The following DSE variants were observed in gnomAD, a reference collection of about 807,000 sequenced individuals.
The protein encoded by DSE is dermatan-sulfate epimerase.
DSE carries 36 observed loss-of-function variants against 84.4 expected under a neutral mutation model. The observed-to-expected ratio is 0.43, with a 90% CI of 0.33 to 0.56. The LOEUF (loss-of-function observed/expected upper bound fraction) is 0.56. DSE is among the 20% of genes least tolerant of loss of function. The probability of loss-of-function intolerance (pLI) is 0.06; values close to 1 mark genes in which losing one functional copy is unlikely to be tolerated. For synonymous variants in DSE, 410 were observed against 430.1 expected (o/e 0.95, Z 0.58); for missense variants, 862 against 1,169.6 (o/e 0.74, Z 3.84).
chr6:116,383,348 A>G (rs745454442), intron 1 of DSE, among the ~76,000 whole-genome samples: 2 of 152,148 alleles, frequency 1.3e-5, no homozygotes, highest in Non-Finnish European at 1.5e-5. Flanking sequence ...GTGAATAGAC[A>G]TGGGGTAAAA....
At chr6:116,286,889 T>G (rs1294782882) in intron 2 of DSE, among the ~76,000 whole-genome samples, 1 of 152,146 alleles carries the variant, frequency 6.6e-6, no homozygotes, top group Non-Finnish European at 1.5e-5. Flanking sequence ...TTTCTTCCAT[T>G]ATAGGAAATA....
chr6:116,286,002 G>A lies in DSE; in HGVS notation c.-54+27035G>A, dbSNP rs531435759. Among the ~76,000 whole-genome samples the A allele has an allele frequency of 2.3e-3, 343 of 152,174 alleles. 4 individuals are homozygous for A. The South Asian group carries it at 0.03, about 13-fold the overall frequency. On this transcript the variant is annotated intron_variant, in intron 2 of 3. Coordinates refer to the DSE transcript ENST00000430252. Reference sequence around the variant, plus strand: ...TTGCTTAGGATTGTCTTGGCAATGCGGGCTCTTTTTTGGTTCCATATGAAC... The same window carrying A: ...TTGCTTAGGATTGTCTTGGCAATGCAGGCTCTTTTTTGGTTCCATATGAAC...
At chr6:116,329,722 A>ATT (rs1311336724) in intron 2 of DSE, among the ~76,000 whole-genome samples, 2 of 152,264 alleles carry the variant, frequency 1.3e-5, no homozygotes, top group Non-Finnish European at 1.5e-5. Flanking sequence ...ATAAAGATTA[A>ATT]TTTGACAAAG....
Position 116,436,780 on chromosome 6 carries a change from G to C in DSE, c.2312G>C (p.Arg771Thr), listed in dbSNP as rs980130642. 3.7e-6 allele frequency: 6 copies of C among 1,614,036 alleles called. No homozygotes were observed. The highest frequency in any genetic ancestry group is 5.1e-6 in the Non-Finnish European group (6 of 1,180,026). The stretch of plus-strand genomic sequence containing the variant: ...CGAGTCCGGAACACAGCTAGCTTTA[G>C]GAAGACTGCTGAACGCCTGCTGAGA... Reference protein sequence around the residue: ...LSRVRNTASFRKTAERLLRFS... With the variant: ...LSRVRNTASFTKTAERLLRFS... Residue 771 changes from arginine (R) to threonine (T), a missense_variant, in exon 6 of 6, where the codon AGG (arginine) becomes ACG (threonine). Transcript: ENST00000644252.
chr6:116,279,156 C>T (rs1011238863), intron 2 of DSE: 5 of 1,613,744 alleles, frequency 3.1e-6, no homozygotes, highest in Middle Eastern at 1.6e-4. Context: ...TGCGGAGAGC[C>T]TCATGCAAAG....
chr6:116,434,850 C>A (rs944583090), intron 5 of DSE, among the ~76,000 whole-genome samples: 1 of 152,088 alleles, frequency 6.6e-6, no homozygotes, highest in African/African-American at 2.4e-5. Context: ...GGGAAAAGTA[C>A]ATAGTGCTAA....
At chr6:116,266,503 C>T (rs1179329236) in intron 2 of DSE, among the ~76,000 whole-genome samples, 1 of 152,058 alleles carries the variant, frequency 6.6e-6, no homozygotes. Context: ...GATATGTTGT[C>T]ATCATCAAAA....
chr6:116,373,524 G>A (rs1217660412), intron 1 of DSE, among the ~76,000 whole-genome samples: 1 of 152,208 alleles, frequency 6.6e-6, no homozygotes, highest in African/African-American at 2.4e-5. Flanking sequence ...GGTTTGCTAT[G>A]TGAGATCAGG....
upstream of DSE, chr6:116,370,361 C>A: frequency 1.5e-6 from 1 of 665,212 alleles, no homozygotes; most frequent in Non-Finnish European, 1.9e-6. Flanking sequence ...AAGAGAACTG[C>A]TTCTCTATAG....
chr6:116,428,876 C>T (rs968191471), intron 3 of DSE, among the ~76,000 whole-genome samples: 3 of 152,002 alleles, frequency 2.0e-5, no homozygotes, highest in African/African-American at 4.8e-5. Context: ...GCAAGGTATT[C>T]GGGTGGCAGA....
At chr6:116,388,539 G>C (rs942274831) in intron 1 of DSE, among the ~76,000 whole-genome samples, 6 of 152,110 alleles carry the variant, frequency 3.9e-5, no homozygotes, top group Non-Finnish European at 2.9e-5. Context: ...GGGGAGAATT[G>C]GTGATACAGA....
intron 2 of DSE, among the ~76,000 whole-genome samples, chr6:116,290,965 C>G (rs1774242876): frequency 6.6e-6 from 1 of 152,176 alleles, no homozygotes; most frequent in Non-Finnish European, 1.5e-5. Context: ...CCACTGTGCT[C>G]TGCAATGTCA....
intron 2 of DSE, among the ~76,000 whole-genome samples, chr6:116,352,611 G>A (rs1778367269): frequency 6.6e-6 from 1 of 151,908 alleles, no homozygotes; most frequent in Admixed American, 6.6e-5. Context: ...AAGAAATTGA[G>A]AAATAAAAAA....
intron 1 of DSE, among the ~76,000 whole-genome samples, chr6:116,398,018 T>C (rs1781365783): frequency 6.6e-6 from 1 of 152,244 alleles, no homozygotes; most frequent in Non-Finnish European, 1.5e-5. Context: ...AGTTTTTCCT[T>C]GGAAAAACAG....
chr6:116,280,117 A>G, intron 2 of DSE: 1 of 502,378 alleles, frequency 2.0e-6, no homozygotes, highest in South Asian at 2.0e-5. Context: ...TGAGTCTGGA[A>G]GCGCGGACGA....
In DSE at chr6:116,437,441, C is replaced by G; in HGVS notation, c.*96C>G. 8.6e-7 allele frequency: 1 copy of G among 1,169,138 alleles called. No individual in the cohort carries two copies. The highest frequency in any genetic ancestry group is 1.2e-6 in the Non-Finnish European group (1 of 861,138). The allele number at this position is 1,169,138 out of a possible 1,614,324, so 72.4% of individuals were successfully genotyped here. On this transcript the variant is annotated 3_prime_UTR_variant, in exon 6 of 6. Transcript: ENST00000644252. ...CCCAGATTATCAGATTTTTTTCCCT[C>G]AGATTCATTTTAACAAATTAAGGGA...
chr6:116,261,320 C>CA (rs1361207212), intron 2 of DSE, among the ~76,000 whole-genome samples: 1 of 152,024 alleles, frequency 6.6e-6, no homozygotes, highest in African/African-American at 2.4e-5. Flanking sequence ...CTCTGCCTCC[C>CA]AGGTTCACGC....
chr6:116,350,574 A>C (rs1430454702), intron 2 of DSE, among the ~76,000 whole-genome samples: 1 of 152,232 alleles, frequency 6.6e-6, no homozygotes, highest in Non-Finnish European at 1.5e-5. Flanking sequence ...ATCATAAAAA[A>C]GTCCAACTGA....
intron 2 of DSE, among the ~76,000 whole-genome samples, chr6:116,402,292 TAG>T (rs1450900232): frequency 1.3e-5 from 2 of 152,184 alleles, no homozygotes; most frequent in African/African-American, 4.8e-5. Context: ...TGCTGCACCC[TAG>T]TGTGGTAGAA....
Sources: gnomAD v4.1 joint callset for allele counts (sites outside exome capture counted in the v4.1 genomes callset) on GRCh38, gnomAD v4.1.1 for gene constraint, MANE v1.5 for transcripts, NCBI Gene and HGNC (gene_info 2026-07-23, HGNC 2026-07-21) for gene names.